Variants in CSMD2 observed in about 807,000 individuals in gnomAD.
CSMD2 encodes CUB and sushi domain-containing protein 2.
CSMD2 carries 130 observed loss-of-function variants against 398.5 expected under a neutral mutation model. The ratio of observed to expected loss-of-function variants is 0.33; its 90% CI spans 0.28 to 0.38. The LOEUF (loss-of-function observed/expected upper bound fraction) is 0.38, where lower values mean the gene tolerates loss of function less well. Among genes scored for constraint, CSMD2 ranks in the 10% least tolerant of loss-of-function variants. The probability of loss-of-function intolerance (pLI) is 1.00; values close to 1 mark genes in which losing one functional copy is unlikely to be tolerated. For missense variants in CSMD2, 3,829 were observed against 4,764.9 expected, an observed-to-expected ratio of 0.80 and a Z score of 5.78; for synonymous variants, 1,828 against 1,908.5, an observed-to-expected ratio of 0.96 and a Z score of 1.10.
intron 25 of CSMD2, among the ~76,000 whole-genome samples, chr1:33,677,055 G>A (rs1266263773): frequency 6.6e-6 from 1 of 152,162 alleles, no homozygotes; most frequent in Non-Finnish European, 1.5e-5. Flanking sequence ...CATGGGCAAG[G>A]ACTTCATCTC....
intron 1 of CSMD2, among the ~76,000 whole-genome samples, chr1:34,152,225 T>C (rs547660359): frequency 2.0e-5 from 3 of 152,164 alleles, no homozygotes; most frequent in Non-Finnish European, 4.4e-5. Context: ...TTATGATCCA[T>C]GATTCATGGA....
At chr1:34,016,142 C>A (rs10914842) in intron 3 of CSMD2, among the ~76,000 whole-genome samples, 1 of 151,684 alleles carries the variant, frequency 6.6e-6, no homozygotes, top group African/African-American at 2.4e-5. Context: ...GAAACATATA[C>A]GTTTTTAAAT....
At chr1:33,609,949 C>T (rs1441353824) in intron 41 of CSMD2, among the ~76,000 whole-genome samples, 1 of 152,154 alleles carries the variant, frequency 6.6e-6, no homozygotes, top group Non-Finnish European at 1.5e-5. Context: ...TGGTGGCCCA[C>T]CCTCCTAAAT....
intron 3 of CSMD2, among the ~76,000 whole-genome samples, chr1:33,977,246 C>A (rs535654880): frequency 1.4e-4 from 21 of 151,974 alleles, no homozygotes; most frequent in Non-Finnish European, 2.6e-4. Context: ...GATGGGCAAA[C>A]AGGCCCAGTG....
At chr1:33,549,016 T>C (rs1557518348) in intron 56 of CSMD2, among the ~76,000 whole-genome samples, 1 of 152,192 alleles carries the variant, frequency 6.6e-6, no homozygotes, top group Non-Finnish European at 1.5e-5. Flanking sequence ...GGTGGTCATA[T>C]AGAGTGATGT....
intron 13 of CSMD2, among the ~76,000 whole-genome samples, chr1:33,743,915 T>C (rs1237280791): frequency 6.6e-6 from 1 of 152,238 alleles, no homozygotes; most frequent in Non-Finnish European, 1.5e-5. Flanking sequence ...AAATTATTTC[T>C]ATCAATCCAT....
chr1:34,012,176 C>G (rs1202823856), intron 3 of CSMD2, among the ~76,000 whole-genome samples: 1 of 152,150 alleles, frequency 6.6e-6, no homozygotes, highest in Non-Finnish European at 1.5e-5. Context: ...TCCCCACGAG[C>G]CACCCAGGAC....
intron 52 of CSMD2, among the ~76,000 whole-genome samples, chr1:33,568,768 C>T (rs1008559786): frequency 1.3e-5 from 2 of 152,164 alleles, no homozygotes; most frequent in Non-Finnish European, 2.9e-5. Context: ...GGCAAGACAG[C>T]ACTGTTCACC....
At chr1:33,935,577 G>C (rs190520970) in intron 4 of CSMD2, among the ~76,000 whole-genome samples, 183 bp downstream of exon 4, 1 of 152,288 alleles carries the variant, frequency 6.6e-6, no homozygotes, top group African/African-American at 2.4e-5. Context: ...TAGGAGGTCA[G>C]GTGAGGTTGA....
At chr1:33,888,843 C>T (rs917688360) in intron 5 of CSMD2, among the ~76,000 whole-genome samples, 37 of 152,198 alleles carry the variant, frequency 2.4e-4, no homozygotes, top group African/African-American at 8.4e-4. Context: ...TATCGGCTCA[C>T]TGCAAGCTCC....
intron 15 of CSMD2, among the ~76,000 whole-genome samples, chr1:33,736,623 AGAG>A (rs1646896170): frequency 6.6e-6 from 1 of 152,168 alleles, no homozygotes; most frequent in Non-Finnish European, 1.5e-5. Context: ...TGGCAGGTGG[AGAG>A]GAGGATTGTG....
chr1:33,740,822 T>C (rs192575080), intron 14 of CSMD2, among the ~76,000 whole-genome samples: 2 of 152,088 alleles, frequency 1.3e-5, no homozygotes, highest in African/African-American at 4.8e-5. Flanking sequence ...AACACACACA[T>C]ACACGCGCGC....
intron 42 of CSMD2, 81 bp downstream of exon 42, chr1:33,605,201 G>C: frequency 1.5e-6 from 2 of 1,316,528 alleles, no homozygotes; most frequent in Non-Finnish European, 2.1e-6. Flanking sequence ...CACAGAGCAG[G>C]TAGGTGGAAC....
intron 2 of CSMD2, among the ~76,000 whole-genome samples, chr1:34,042,624 A>C (rs1428174093): frequency 1.3e-5 from 2 of 152,130 alleles, no homozygotes; most frequent in African/African-American, 2.4e-5. Flanking sequence ...CTCAAGTGAA[A>C]TAAGAGATCT....
chr1:33,585,595 C>T (rs957514436), intron 46 of CSMD2, among the ~76,000 whole-genome samples: 3 of 152,300 alleles, frequency 2.0e-5, no homozygotes, highest in Non-Finnish European at 4.4e-5. Flanking sequence ...TTCACTAATC[C>T]GATGACCAGC....
intron 1 of CSMD2, among the ~76,000 whole-genome samples, chr1:34,092,735 C>T (rs561221176): frequency 2.6e-4 from 40 of 152,362 alleles, no homozygotes; most frequent in Non-Finnish European, 5.4e-4. Context: ...AGATTATATC[C>T]CGCACCTGGC....
At chr1:33,932,441 C>T (rs1644342724) in intron 4 of CSMD2, among the ~76,000 whole-genome samples, 2 of 152,060 alleles carry the variant, frequency 1.3e-5, no homozygotes, top group South Asian at 4.2e-4. Context: ...ATCATCATTT[C>T]AGACGACGAA....
intron 3 of CSMD2, among the ~76,000 whole-genome samples, chr1:33,971,333 G>A (rs780623717): frequency 3.3e-5 from 5 of 152,192 alleles, no homozygotes; most frequent in Non-Finnish European, 5.9e-5. Context: ...CCAGTGTGGC[G>A]GCTTCATGGA....
intron 6 of CSMD2, among the ~76,000 whole-genome samples, chr1:33,826,941 G>A (rs566828479): frequency 6.6e-5 from 10 of 152,306 alleles, no homozygotes; most frequent in East Asian, 1.9e-4. Flanking sequence ...CACTTCATAC[G>A]TGCCAGGTCC....
Sources: gnomAD v4.1 joint callset for allele counts (sites outside exome capture counted in the v4.1 genomes callset) on GRCh38, gnomAD v4.1.1 for gene constraint, MANE v1.5 for transcripts, NCBI Gene and HGNC (gene_info 2026-07-23, HGNC 2026-07-21) for gene names.